N4BP2: variants seen among roughly 807,000 people sequenced by gnomAD.
N4BP2 encodes the protein NEDD4-binding protein 2.
N4BP2 carries 91 observed loss-of-function variants against 152.8 expected under a neutral mutation model. The ratio of observed to expected loss-of-function variants is 0.60; its 90% confidence interval spans 0.50 to 0.71. The LOEUF is 0.71. Ranked by LOEUF, N4BP2 falls within the 30% of genes least tolerant of loss-of-function variation. N4BP2 has a pLI of 0.00. For missense variants in N4BP2, 1,923 were observed against 2,059.1 expected (o/e 0.93, Z 1.28); for synonymous variants, 646 against 705.3 (o/e 0.92, Z 1.33).
At chr4:40,137,455 A>G (rs943213763) in intron 14 of N4BP2, among the ~76,000 whole-genome samples, 1 of 152,174 alleles carries the variant, frequency 6.6e-6, no homozygotes, top group Admixed American at 6.5e-5. Flanking sequence ...CTACCATTTT[A>G]TATTTCCACT....
intron 16 of N4BP2, among the ~76,000 whole-genome samples, chr4:40,150,881 A>C (rs566493561): frequency 2.2e-4 from 34 of 152,228 alleles, no homozygotes; most frequent in Non-Finnish European, 3.7e-4. Context: ...GAAACTAATG[A>C]TATTAAGGGA....
In N4BP2 at chr4:40,102,637, A is replaced by G. The variant is rs1715791216; in HGVS notation, c.792A>G (p.Gln264=). The change falls in exon 4 of 18, where the codon CAA becomes CAG. Residue 264 remains glutamine, a synonymous_variant. Coordinates refer to ENST00000261435, the MANE Select transcript of N4BP2 (RefSeq NM_018177.6). ...TCGCAGGTTGTAGCAGTCTCAATCA[A>G]AAACAGAAAGAACTTTTAGAATCTG... ...DSIAGCSSLN[Q]KQKELLESEC... is the part of the protein sequence containing the mutation. The G allele has an allele frequency of 6.2e-7, 1 of 1,614,194 alleles. No individual in the cohort carries two copies. The highest frequency in any genetic ancestry group is 1.7e-5 in the Admixed American group (1 of 60,006).
intron 12 of N4BP2, 67 bp from the exon 13 acceptor site, chr4:40,131,734 G>A (rs1718921644): frequency 1.8e-6 from 2 of 1,130,502 alleles, no homozygotes; most frequent in African/African-American, 1.6e-5. Context: ...AGTTAACCAT[G>A]CCTTTGGTCA....
At position 40,142,777 on chromosome 4, in the gene N4BP2, A is replaced by G; in HGVS notation, c.4890A>G (p.Gln1630=). Reference sequence around the variant, plus strand: ...ACAGAGCAGAGGCTTTCCTTCACCAACAGAAGAGGATGGAGTGCTACAGCA... The same window carrying G: ...ACAGAGCAGAGGCTTTCCTTCACCAGCAGAAGAGGATGGAGTGCTACAGCA... The part of the protein sequence containing the change: ...DDYRAEAFLH[Q]QKRMECYSKA... Residue 1630 remains glutamine (Q), a synonymous_variant, in exon 15 of 18, where the codon CAA becomes CAG. Transcript: ENST00000261435. The G allele has an allele frequency of 6.2e-7, 1 of 1,614,156 alleles. No homozygotes were observed. The highest frequency in any genetic ancestry group is 1.1e-5 in the South Asian group (1 of 91,080).
At chr4:40,152,951 C>G in intron 17 of N4BP2, 48 bp downstream of exon 17, 1 of 1,583,156 alleles carries the variant, frequency 6.3e-7, no homozygotes. Context: ...CCATATAGAT[C>G]TTTATCAGAT....
At position 40,155,559 on chromosome 4, in the gene N4BP2, T is replaced by A. The variant is rs1347229258; in HGVS notation, c.*1322T>A. On this transcript the variant is annotated 3_prime_UTR_variant, in exon 18 of 18. Transcript: ENST00000261435. ...TTGGTTAGCTAATAAATTCTGTTAG[T>A]ATGCAAGTTAAACCTGTGTAAAGGA... 1 of 152,214 alleles carries A rather than the reference T, an allele frequency of 6.6e-6. No homozygotes were observed. The allele number at this position is 152,214 out of a possible 1,614,324, so 9.4% of individuals were successfully genotyped here.
At chr4:40,060,528 A>G (rs1733572681) in intron 1 of N4BP2, among the ~76,000 whole-genome samples, 2 of 151,990 alleles carry the variant, frequency 1.3e-5, no homozygotes, top group Admixed American at 1.3e-4. Context: ...TACAGGCATG[A>G]GCCACTGTGC....
the N4BP2 span, among the ~76,000 whole-genome samples, chr4:40,171,817 A>T: frequency 6.5e-4 from 99 of 152,326 alleles, 1 homozygote; most frequent in African/African-American, 2.4e-3. Context: ...TCAAAGTTCC[A>T]AGAGTCCCAG....
intron 2 of N4BP2, among the ~76,000 whole-genome samples, chr4:40,084,266 A>G (rs868757690): frequency 1.3e-5 from 2 of 152,122 alleles, no homozygotes; most frequent in African/African-American, 4.8e-5. Context: ...TGAATTTACA[A>G]CTGGCAGGAT....
intron 16 of N4BP2, among the ~76,000 whole-genome samples, chr4:40,150,899 T>G (rs2109284079): frequency 6.6e-6 from 1 of 152,296 alleles, no homozygotes; most frequent in East Asian, 1.9e-4. Flanking sequence ...GGACTTTTAT[T>G]AATTTTATAA....
rs779095793 is a variant in N4BP2, at chr4:40,102,127, A to G, written c.282A>G (p.Ile94Met). 1.2e-6 allele frequency: 2 copies of G among 1,612,784 alleles called. No homozygotes were observed. The highest frequency in any genetic ancestry group is 2.2e-5 in the South Asian group (2 of 90,964). The change falls in exon 4 of 18, where the codon ATA becomes ATG. Residue 94 changes from isoleucine to methionine, a missense_variant. Ile to Met is a conservative substitution (Grantham distance 10). Coordinates refer to ENST00000261435, the MANE Select transcript of N4BP2 (RefSeq NM_018177.6). ...LLELSATDTK[I>M]EESSSQSFVA... ...AATTATCTGCCACTGATACCAAGAT[A>G]GAAGAATCATCTTCACAAAGTTTCG...
chr4:40,179,890 G>A, the N4BP2 span, among the ~76,000 whole-genome samples: 8 of 150,350 alleles, frequency 5.3e-5, no homozygotes, highest in African/African-American at 9.8e-5. Flanking sequence ...TCTGCCTCCC[G>A]AGTAGCTGGA....
At chr4:40,104,451 C>T (rs1327537111) in intron 4 of N4BP2, among the ~76,000 whole-genome samples, 1 of 151,560 alleles carries the variant, frequency 6.6e-6, no homozygotes, top group Non-Finnish European at 1.5e-5. Flanking sequence ...GGTTTCTCTG[C>T]TAGTAAATTT....
chr4:40,169,442 A>G, the N4BP2 span, among the ~76,000 whole-genome samples: 1 of 151,820 alleles, frequency 6.6e-6, no homozygotes, highest in Admixed American at 6.5e-5. Flanking sequence ...TGAAATTAGA[A>G]GTAAATTAAT....
intron 1 of N4BP2, among the ~76,000 whole-genome samples, chr4:40,063,071 G>C (rs567617639): frequency 6.6e-6 from 1 of 152,198 alleles, no homozygotes. Context: ...TTTGATAGAT[G>C]AAAGTTTTCT....
chr4:40,139,681 C>T (rs529515260), intron 14 of N4BP2, among the ~76,000 whole-genome samples: 33 of 151,662 alleles, frequency 2.2e-4, no homozygotes, highest in African/African-American at 6.3e-4. Context: ...TTAGTAGAGA[C>T]GGGGTTTCAC....
At chr4:40,140,368 T>C (rs1184439354) in intron 14 of N4BP2, among the ~76,000 whole-genome samples, 1 of 152,200 alleles carries the variant, frequency 6.6e-6, no homozygotes. Context: ...TGAGACCTTA[T>C]GGGCCAAATT....
chr4:40,180,669 A>C, the N4BP2 span, among the ~76,000 whole-genome samples: 1 of 152,250 alleles, frequency 6.6e-6, no homozygotes, highest in Non-Finnish European at 1.5e-5. Context: ...ATAGCAAAAA[A>C]GTGAAATACA....
intron 11 of N4BP2, among the ~76,000 whole-genome samples, chr4:40,125,083 C>T (rs189388384): frequency 6.6e-6 from 1 of 152,284 alleles, no homozygotes; most frequent in Non-Finnish European, 1.5e-5. Context: ...GTTGTCCAGT[C>T]CACACTGGGA....
Sources: allele counts gnomAD v4.1 joint callset (sites outside exome capture counted in the v4.1 genomes callset), GRCh38; gene constraint gnomAD v4.1.1; transcripts MANE v1.5; gene names NCBI Gene and HGNC (gene_info 2026-07-23, HGNC 2026-07-21).